The following ZNF385B variants were observed in gnomAD, a reference collection of about 807,000 sequenced individuals.
ZNF385B encodes zinc finger protein 533.
A neutral mutation model predicts 39.2 loss-of-function variants in ZNF385B; 23 were observed. The ratio of observed to expected loss-of-function variants is 0.59; its 90% CI spans 0.42 to 0.83. The LOEUF (loss-of-function observed/expected upper bound fraction) is 0.83, where lower values mean the gene tolerates loss of function less well. ZNF385B is among the 40% of genes least tolerant of loss of function. The pLI is 0.00. For missense variants in ZNF385B, 552 were observed against 598.9 expected (o/e 0.92, Z 0.82); for synonymous variants, 205 against 222.6 (o/e 0.92, Z 0.70).
intron 1 of ZNF385B, among the ~76,000 whole-genome samples, chr2:179,816,344 C>A (rs1446020652): frequency 6.6e-6 from 1 of 152,160 alleles, no homozygotes; most frequent in Non-Finnish European, 1.5e-5. Flanking sequence ...CTCTGGAATG[C>A]CTTGGTCCCC....
At chr2:179,720,573 G>A (rs946334670) in intron 3 of ZNF385B, among the ~76,000 whole-genome samples, 7 of 150,774 alleles carry the variant, frequency 4.6e-5, no homozygotes, top group African/African-American at 1.7e-4. Context: ...GAGGAAAGAA[G>A]GGAAAGAGAA....
chr2:179,626,225 C>T (rs941746925), intron 3 of ZNF385B, among the ~76,000 whole-genome samples: 5 of 152,038 alleles, frequency 3.3e-5, no homozygotes, highest in African/African-American at 1.2e-4. Context: ...TTAAAACATA[C>T]TTCTTAGGAG....
chr2:179,581,797 C>G (rs1686551954), intron 3 of ZNF385B, among the ~76,000 whole-genome samples: 1 of 152,120 alleles, frequency 6.6e-6, no homozygotes, highest in Non-Finnish European at 1.5e-5. Flanking sequence ...CAGGTCATGC[C>G]CTTAGAAAGG....
chr2:179,710,017 C>CCTGGATAT (rs1169815514), intron 3 of ZNF385B, among the ~76,000 whole-genome samples: 1 of 152,112 alleles, frequency 6.6e-6, no homozygotes, highest in Non-Finnish European at 1.5e-5. Flanking sequence ...GGATGGAGGC[C>CCTGGATAT]CTGGATATTC....
intron 1 of ZNF385B, among the ~76,000 whole-genome samples, chr2:179,792,375 C>CTTTTTTTTTTTTTTTT (rs374147864): frequency 1.6e-4 from 20 of 124,120 alleles, no homozygotes; most frequent in African/African-American, 5.0e-4. Flanking sequence ...ATTTTCTTTT[C>CTTTTTTTTTTTTTTTT]TTTTTTTTTT....
chr2:179,659,136 G>A (rs959873757), intron 3 of ZNF385B, among the ~76,000 whole-genome samples: 6 of 152,172 alleles, frequency 3.9e-5, no homozygotes, highest in Non-Finnish European at 5.9e-5. Flanking sequence ...CACACATGAG[G>A]TAGTGTTCAC....
chr2:179,763,848 C>T (rs1159397676), intron 3 of ZNF385B, among the ~76,000 whole-genome samples: 1 of 152,038 alleles, frequency 6.6e-6, no homozygotes, highest in Admixed American at 6.6e-5. Context: ...GATTACAGTT[C>T]CTTCAAACGC....
Position 179,778,521 on chromosome 2 carries a change from C to T in ZNF385B, c.-154-7849G>A, listed in dbSNP as rs367820158. ...ATGGATGGATTCCTACAAGACAGAC[C>T]CATCCATCAAAGAAGTAATATTTTC... is the stretch of plus-strand genomic sequence containing the variant. On this transcript the variant is annotated intron_variant, in intron 1 of 9. Transcript: ENST00000410066. Among the ~76,000 whole-genome samples the T allele has an allele frequency of 3.9e-5, 6 of 152,162 alleles. No homozygotes were observed. In the South Asian group the frequency reaches 1.2e-3, roughly 32 times the overall value.
intron 6 of ZNF385B, among the ~76,000 whole-genome samples, chr2:179,465,862 C>T (rs367720477): frequency 7.9e-5 from 12 of 151,858 alleles, no homozygotes; most frequent in Non-Finnish European, 1.5e-4. Context: ...AAATTATTAC[C>T]AGGAGAGATT....
rs1336093033 is a variant in ZNF385B, at chr2:179,552,305, G to C, written c.299-7336C>G. ...AAAGAAAACACCTCATTCTTCAAAA[G>C]AGTATGCCAGAGTCAACAAATATGC... On this transcript the variant is annotated intron_variant, in intron 3 of 9. Transcript: ENST00000410066. Among the ~76,000 whole-genome samples, 3 of 149,128 alleles carry C rather than the reference G, an allele frequency of 2.0e-5. 1 individual carries two copies. The highest frequency in any genetic ancestry group is 6.7e-5 in the Admixed American group (1 of 14,976).
chr2:179,858,956 T>C (rs1684820325), intron 1 of ZNF385B, among the ~76,000 whole-genome samples: 1 of 152,224 alleles, frequency 6.6e-6, no homozygotes, highest in Non-Finnish European at 1.5e-5. Context: ...GGGTGGCCAG[T>C]CCAGGGACTT....
chr2:179,710,043 T>A (rs2106381565), intron 3 of ZNF385B, among the ~76,000 whole-genome samples: 1 of 152,312 alleles, frequency 6.6e-6, no homozygotes, highest in South Asian at 2.1e-4. Context: ...CATTTCCACC[T>A]GCCACACAAT....
intron 3 of ZNF385B, among the ~76,000 whole-genome samples, chr2:179,690,767 T>C (rs527556070): frequency 6.6e-6 from 1 of 152,334 alleles, no homozygotes; most frequent in Non-Finnish European, 1.5e-5. Flanking sequence ...AGGAGTCTTA[T>C]GAAATTAAAT....
At chr2:179,779,100 T>C (rs908278180) in intron 1 of ZNF385B, among the ~76,000 whole-genome samples, 1 of 152,228 alleles carries the variant, frequency 6.6e-6, no homozygotes, top group East Asian at 1.9e-4. Context: ...GAAGTTGATG[T>C]TCTTTTTTCC....
At chr2:179,507,045 C>T (rs1449051313) in intron 5 of ZNF385B, among the ~76,000 whole-genome samples, 3 of 151,910 alleles carry the variant, frequency 2.0e-5, no homozygotes, top group Admixed American at 6.6e-5. Flanking sequence ...TTGCTATGAG[C>T]CCTAGAATGC....
intron 3 of ZNF385B, among the ~76,000 whole-genome samples, chr2:179,704,095 T>A (rs1039658644): frequency 6.6e-6 from 1 of 152,210 alleles, no homozygotes; most frequent in East Asian, 1.9e-4. Flanking sequence ...ATAAGAATGT[T>A]CATTATATTG....
intron 3 of ZNF385B, among the ~76,000 whole-genome samples, chr2:179,626,124 A>G (rs1223362684): frequency 6.6e-6 from 1 of 152,182 alleles, no homozygotes; most frequent in Non-Finnish European, 1.5e-5. Flanking sequence ...ACACATAGAC[A>G]TGCATGCACA....
intron 3 of ZNF385B, among the ~76,000 whole-genome samples, chr2:179,719,735 G>A (rs1051333792): frequency 3.9e-5 from 6 of 152,180 alleles, no homozygotes; most frequent in Non-Finnish European, 8.8e-5. Context: ...CAGCAGCCTA[G>A]CTATTGCTTT....
chr2:179,800,808 A>G (rs996849045), intron 1 of ZNF385B, among the ~76,000 whole-genome samples: 1 of 152,098 alleles, frequency 6.6e-6, no homozygotes, highest in Non-Finnish European at 1.5e-5. Context: ...TCTCTTCTTT[A>G]ATGTTTTGCT....
Sources: allele counts gnomAD v4.1 joint callset (sites outside exome capture counted in the v4.1 genomes callset), GRCh38; gene constraint gnomAD v4.1.1; transcripts MANE v1.5; gene names NCBI Gene and HGNC (gene_info 2026-07-23, HGNC 2026-07-21).